PLAA: variants seen among roughly 807,000 people sequenced by gnomAD.
PLAA encodes phospholipase A2 activating protein.
PLAA carries 48 observed loss-of-function variants against 84.1 expected under a neutral mutation model. The ratio of observed to expected loss-of-function variants is 0.57; its 90% CI spans 0.45 to 0.73. The LOEUF (loss-of-function observed/expected upper bound fraction) is 0.73, where lower values mean the gene tolerates loss of function less well. PLAA is among the 30% of genes least tolerant of loss of function. PLAA has a pLI of 0.00. For missense variants in PLAA, 903 were observed against 954.7 expected (o/e 0.95, Z 0.71); for synonymous variants, 392 against 336.6 (o/e 1.16, Z -1.80).
chr9:26,929,553 C>A (rs549406564), intron 2 of PLAA, among the ~76,000 whole-genome samples: 1 of 152,154 alleles, frequency 6.6e-6, no homozygotes, highest in South Asian at 2.1e-4. Flanking sequence ...CCATAAAGAA[C>A]CTTGGATTGG....
At chr9:26,920,129 G>A (rs774103372) in intron 8 of PLAA, 98 bp downstream of exon 8, 21 of 950,392 alleles carry the variant, frequency 2.2e-5, no homozygotes, top group Non-Finnish European at 3.2e-5. Flanking sequence ...ATTTTTAAAT[G>A]TCAAAACAAA....
chr9:26,946,935 C>G lies in PLAA; in HGVS notation c.111G>C (p.Val37=). ...AGAGGCGGGTGGTGCGGTCTCGGGA[C>G]ACGGACACAAAGGCTCCCGGCGGAT... is the stretch of plus-strand genomic sequence containing the variant. ...CAYPPGAFVS[V]SRDRTTRLWA... The change falls in exon 1 of 14, where the codon GTG becomes GTC. Residue 37 remains valine (V), a synonymous_variant. Coordinates refer to ENST00000397292, the MANE Select transcript of PLAA (RefSeq NM_001031689.3). 2 of 1,583,622 alleles carry G rather than the reference C, an allele frequency of 1.3e-6. No homozygotes were observed. The highest frequency in any genetic ancestry group is 8.6e-7 in the Non-Finnish European group (1 of 1,164,526).
In PLAA at chr9:26,903,975, T is replaced by C. The variant is rs1349190982; in HGVS notation, c.*1536A>G. ...GCCAGACCTGGGTTAAATTCCTAATTTTGCCATTTAACTTTGACATAACCA... is the reference window on the plus strand; with the variant it reads ...GCCAGACCTGGGTTAAATTCCTAATCTTGCCATTTAACTTTGACATAACCA... On this transcript the variant is annotated 3_prime_UTR_variant, in exon 14 of 14. Transcript: ENST00000397292. 6.5e-6 allele frequency: 1 copy of C among 153,716 alleles called. No homozygotes were observed. Among genetic ancestry groups the C allele is most frequent in the Non-Finnish European group, 1.5e-5 (1 of 68,010 alleles). 9.5% of individuals were successfully genotyped at this position (153,716 alleles called of 1,614,324 possible).
At chr9:26,906,130 G>C (rs1824229824) in intron 13 of PLAA, 54 bp from the exon 14 acceptor site, 1 of 1,166,388 alleles carries the variant, frequency 8.6e-7, no homozygotes, top group South Asian at 2.5e-5. Context: ...AATTTCTTTT[G>C]ACTATCGACT....
chr9:26,907,546 AAAAAC>A (rs990468246), intron 13 of PLAA: 14 of 305,428 alleles, frequency 4.6e-5, no homozygotes, highest in Admixed American at 2.2e-4. Context: ...TTTCAAAAAC[AAAAAC>A]AAAACAAAAC....
At chr9:26,935,662 T>A (rs575755093) in intron 1 of PLAA, among the ~76,000 whole-genome samples, 1 of 152,242 alleles carries the variant, frequency 6.6e-6, no homozygotes, top group East Asian at 1.9e-4. Context: ...AGTAGTATAG[T>A]ACAGCATGTG....
At chr9:26,920,191 A>T in intron 8 of PLAA, 36 bp downstream of exon 8, 1 of 1,570,258 alleles carries the variant, frequency 6.4e-7, no homozygotes, top group Non-Finnish European at 8.8e-7. Flanking sequence ...CCTAATATTT[A>T]AGACAATAGT....
At chr9:26,913,275 T>C (rs1351105109) in intron 11 of PLAA, among the ~76,000 whole-genome samples, 1 of 152,096 alleles carries the variant, frequency 6.6e-6, no homozygotes, top group South Asian at 2.1e-4. Context: ...TGGCAGCCAA[T>C]ACAGAGGAAA....
intron 10 of PLAA, among the ~76,000 whole-genome samples, chr9:26,914,305 AG>A (rs1357634510): frequency 5.3e-5 from 8 of 152,204 alleles, no homozygotes; most frequent in African/African-American, 1.9e-4. Flanking sequence ...GAAAAGACTC[AG>A]GTAAGAGTTA....
In PLAA at chr9:26,922,522, A is replaced by G. The variant is rs184299117; in HGVS notation, c.1039+656T>C. On this transcript the variant is annotated intron_variant, in intron 7 of 13. Coordinates refer to ENST00000397292, the MANE Select transcript of PLAA (RefSeq NM_001031689.3). ...AGGATCTCAGAATCCCCAGAGGTCC[A>G]TGAATCAAGCTTTGAGAAGCACTGG... Among the ~76,000 whole-genome samples, 663 of 152,300 alleles carry G rather than the reference A, an allele frequency of 4.4e-3. 5 individuals carry two copies. Among genetic ancestry groups the G allele is most frequent in the South Asian group, 0.014 (69 of 4,816 alleles).
rs770233756 is a variant in PLAA, at chr9:26,928,216, T to A, written c.449A>T (p.His150Leu). 1 of 1,614,210 alleles carries A rather than the reference T, an allele frequency of 6.2e-7. No individual in the cohort carries two copies. Among genetic ancestry groups the A allele is most frequent in the Non-Finnish European group, 8.5e-7 (1 of 1,180,018 alleles). Residue 150 changes from histidine to leucine, a missense_variant, in exon 4 of 14, where the codon CAT becomes CTT. Transcript: ENST00000397292. ...CTTTACCGCCCACACTGCAGCTGTA[T>A]GACCCTGTGAGTAAAATGAGTATCA... ...NDKCMMTLQG[H>L]TAAVWAVKIL...
At chr9:26,934,365 T>G (rs1825286214) in intron 2 of PLAA, among the ~76,000 whole-genome samples, 3 of 152,056 alleles carry the variant, frequency 2.0e-5, no homozygotes, top group African/African-American at 4.8e-5. Flanking sequence ...GGTCTTCAAT[T>G]AAATACTTTT....
In PLAA at chr9:26,925,808, G is replaced by A; in HGVS notation, c.869+17C>T. The A allele has an allele frequency of 2.5e-6, 4 of 1,611,626 alleles. No individual in the cohort carries two copies. The highest frequency in any genetic ancestry group is 3.4e-6 in the Non-Finnish European group (4 of 1,178,088). On this transcript the variant is annotated intron_variant, in intron 6 of 13. Transcript: ENST00000397292. ...CCTAGACATATAACATTTAATGATT[G>A]ACTAGAATATAAATACCTCGCACCA...
At chr9:26,944,120 C>A (rs756398780) in intron 1 of PLAA, among the ~76,000 whole-genome samples, 25 of 152,030 alleles carry the variant, frequency 1.6e-4, no homozygotes, top group Non-Finnish European at 3.7e-4. Flanking sequence ...GTCATTATTG[C>A]GGGACTGGGT....
At chr9:26,916,777 G>T in intron 10 of PLAA, 2 of 646,326 alleles carry the variant, frequency 3.1e-6, no homozygotes, top group Non-Finnish European at 3.9e-6. Flanking sequence ...GCAAGTAAGT[G>T]GTAGAGCCCA....
Position 26,919,295 on chromosome 9 carries a change from T to C in PLAA, c.1417+15A>G, listed in dbSNP as rs1221466609. 1.3e-6 allele frequency: 2 copies of C among 1,551,966 alleles called. No individual in the cohort carries two copies. The highest frequency in any genetic ancestry group is 1.7e-5 in the Admixed American group (1 of 57,886). On this transcript the variant is annotated intron_variant, in intron 9 of 13. Coordinates refer to ENST00000397292, the MANE Select transcript of PLAA (RefSeq NM_001031689.3). The stretch of plus-strand genomic sequence containing the variant: ...TAATGGAACTACATAAGACTCAATA[T>C]AAACACTAACTTACCTGTAAATGGA...
intron 8 of PLAA, 22 bp downstream of exon 8, chr9:26,920,205 T>C (rs1824715148): frequency 1.3e-6 from 2 of 1,597,864 alleles, no homozygotes; most frequent in Non-Finnish European, 1.7e-6. Context: ...CAATAGTAAT[T>C]AGAAAGTAGA....
At chr9:26,913,103 G>A (rs894079651) in intron 11 of PLAA, among the ~76,000 whole-genome samples, 1 of 152,172 alleles carries the variant, frequency 6.6e-6, no homozygotes, top group African/African-American at 2.4e-5. Context: ...TTATTGAGTG[G>A]TAGGTTTATG....
intron 4 of PLAA, 122 bp downstream of exon 4, chr9:26,927,978 A>C: frequency 9.0e-7 from 1 of 1,113,778 alleles, no homozygotes; most frequent in East Asian, 2.5e-5. Context: ...ACATTAACTC[A>C]AATTAATAGC....
Sources: allele counts gnomAD v4.1 joint callset (sites outside exome capture counted in the v4.1 genomes callset), GRCh38; gene constraint gnomAD v4.1.1; transcripts MANE v1.5; gene names NCBI Gene and HGNC (gene_info 2026-07-23, HGNC 2026-07-21).